Variants in NCOA7 observed in about 807,000 individuals in gnomAD.
NCOA7 encodes the protein 140 kDa estrogen receptor-associated protein.
A neutral mutation model predicts 104.3 loss-of-function variants in NCOA7; 45 were observed. That is an observed-to-expected ratio of 0.43 (90% confidence interval 0.34 to 0.55). The LOEUF (loss-of-function observed/expected upper bound fraction) is 0.55. Ranked by LOEUF, NCOA7 falls within the 20% of genes least tolerant of loss-of-function variation. NCOA7 has a pLI of 0.02. For missense variants in NCOA7, 1,041 were observed against 1,119.7 expected (o/e 0.93, Z 1.00); for synonymous variants, 398 against 402.3 (o/e 0.99, Z 0.13).
intron 10 of NCOA7, among the ~76,000 whole-genome samples, chr6:125,896,979 T>A (rs949691836): frequency 6.6e-6 from 1 of 152,246 alleles, no homozygotes; most frequent in African/African-American, 2.4e-5. Flanking sequence ...TCATTATGTA[T>A]AAGTTAAATT....
At chr6:125,815,269 G>T in intron 1 of NCOA7, 22 bp from the exon 2 acceptor site, 1 of 988,678 alleles carries the variant, frequency 1.0e-6, no homozygotes, top group Non-Finnish European at 1.5e-6. Flanking sequence ...GTTTACAGTT[G>T]CTTTGTTATC....
chr6:125,847,191 T>TA (rs1324853686), intron 2 of NCOA7, among the ~76,000 whole-genome samples: 1 of 152,222 alleles, frequency 6.6e-6, no homozygotes, highest in African/African-American at 2.4e-5. Flanking sequence ...ATATACTTGT[T>TA]ACATTTTAAA....
chr6:125,826,080 C>A (rs1028559198), intron 2 of NCOA7, among the ~76,000 whole-genome samples: 2 of 152,122 alleles, frequency 1.3e-5, no homozygotes, highest in African/African-American at 4.8e-5. Context: ...AATCCTAGCA[C>A]TTTGGGAGGC....
At chr6:125,832,969 G>A (rs549234638) in intron 2 of NCOA7, among the ~76,000 whole-genome samples, 66 of 152,232 alleles carry the variant, frequency 4.3e-4, no homozygotes, top group African/African-American at 1.6e-3. Context: ...CCACCAAATC[G>A]TTTCAGTTTC....
intron 1 of NCOA7, among the ~76,000 whole-genome samples, chr6:125,796,502 A>G (rs1400513817): frequency 6.6e-6 from 1 of 151,896 alleles, no homozygotes; most frequent in African/African-American, 2.4e-5. Flanking sequence ...CCTCCTGTAT[A>G]TTTGAACTCA....
intron 12 of NCOA7, among the ~76,000 whole-genome samples, chr6:125,922,275 C>G (rs1787654188): frequency 6.6e-6 from 1 of 152,186 alleles, no homozygotes; most frequent in Non-Finnish European, 1.5e-5. Context: ...CTGTGCAAAG[C>G]TGCAGCTCTC....
intron 10 of NCOA7, among the ~76,000 whole-genome samples, chr6:125,900,213 A>G (rs1029038437): frequency 1.3e-5 from 2 of 152,184 alleles, no homozygotes; most frequent in Non-Finnish European, 2.9e-5. Context: ...ATCTTTTTCA[A>G]AAAGGAAGCC....
chr6:125,893,364 C>CT (rs1002965163), intron 10 of NCOA7, among the ~76,000 whole-genome samples: 1 of 152,206 alleles, frequency 6.6e-6, no homozygotes, highest in Non-Finnish European at 1.5e-5. Flanking sequence ...ATTAAAACTC[C>CT]TTGTCACAGG....
chr6:125,925,065 G>A (rs1390372516), intron 13 of NCOA7, among the ~76,000 whole-genome samples: 1 of 152,176 alleles, frequency 6.6e-6, no homozygotes, highest in East Asian at 1.9e-4. Flanking sequence ...AGCTCACAGG[G>A]CAGAAGTTTT....
At chr6:125,894,133 A>G (rs1407853888) in intron 10 of NCOA7, among the ~76,000 whole-genome samples, 6 of 139,302 alleles carry the variant, frequency 4.3e-5, no homozygotes, top group Admixed American at 3.7e-4. Flanking sequence ...CCTTAACACT[A>G]TTGACATTTT....
chr6:125,852,460 C>G (rs753732965), intron 2 of NCOA7, among the ~76,000 whole-genome samples: 6 of 152,114 alleles, frequency 3.9e-5, no homozygotes, highest in Non-Finnish European at 7.4e-5. Flanking sequence ...TCCCAAAGTG[C>G]TGGGATTATA....
chr6:125,915,389 A>T lies in NCOA7; in HGVS notation c.2153A>T (p.Asp718Val). The T allele has an allele frequency of 1.9e-6, 3 of 1,613,968 alleles. No homozygotes were observed. The highest frequency in any genetic ancestry group is 2.5e-6 in the Non-Finnish European group (3 of 1,179,852). ...TGGTCTCCCGATGTCTATGGAAAAG[A>T]TGCCAAAGAGCAAGGCTTTGTGGTG... ...VQWSPDVYGK[D>V]AKEQGFVVVE... The change falls in exon 11 of 16, where the codon GAT becomes GTT. Residue 718 changes from aspartate to valine, a missense_variant. By Grantham distance (152) the Asp-to-Val change is radical. Around this residue, in one of 2 missense-constraint regions of NCOA7, gnomAD observed 914 missense variants for 942.7 expected, o/e 0.97. Coordinates refer to ENST00000392477, the MANE Select transcript of NCOA7 (RefSeq NM_181782.5).
intron 3 of NCOA7, among the ~76,000 whole-genome samples, chr6:125,860,828 ATAT>A (rs1366158832): frequency 1.3e-5 from 2 of 152,236 alleles, no homozygotes; most frequent in African/African-American, 4.8e-5. Flanking sequence ...AGATGGGCAC[ATAT>A]TATAAATAAG....
chr6:125,807,543 C>T (rs774928151), intron 1 of NCOA7, among the ~76,000 whole-genome samples: 11 of 152,158 alleles, frequency 7.2e-5, no homozygotes, highest in Non-Finnish European at 1.2e-4. Context: ...TAAACTGTAC[C>T]GCTCTCATTT....
intron 3 of NCOA7, among the ~76,000 whole-genome samples, chr6:125,872,714 C>T (rs968175486): frequency 1.3e-5 from 2 of 152,184 alleles, no homozygotes; most frequent in African/African-American, 4.8e-5. Context: ...GCTTATCTGC[C>T]AAGAACTACA....
intron 2 of NCOA7, among the ~76,000 whole-genome samples, chr6:125,853,960 T>G (rs576570776): frequency 2.6e-4 from 40 of 152,254 alleles, no homozygotes; most frequent in African/African-American, 9.6e-4. Context: ...AAATATCAAA[T>G]TTCAGTCCCT....
chr6:125,927,627 T>A (rs1341935740), intron 13 of NCOA7, 36 bp from the exon 14 acceptor site: 1 of 1,492,748 alleles, frequency 6.7e-7, no homozygotes, highest in Admixed American at 1.7e-5. Flanking sequence ...GGATTTAGGT[T>A]TGAATGTAGG....
intron 9 of NCOA7, 116 bp downstream of exon 9, chr6:125,890,097 G>C: frequency 1.3e-6 from 1 of 781,150 alleles, no homozygotes; most frequent in Non-Finnish European, 1.8e-6. Flanking sequence ...TCTCAATAGA[G>C]TGTATCTTTG....
chr6:125,887,320 A>T (rs1219090708), intron 8 of NCOA7, among the ~76,000 whole-genome samples: 1 of 152,200 alleles, frequency 6.6e-6, no homozygotes, highest in Non-Finnish European at 1.5e-5. Context: ...TTGAGTTCCA[A>T]TAGGGAGATT....
Sources: allele counts gnomAD v4.1 joint callset (sites outside exome capture counted in the v4.1 genomes callset), GRCh38; gene constraint gnomAD v4.1.1; regional missense constraint gnomAD v4.1.1; transcripts MANE v1.5; gene names NCBI Gene and HGNC (gene_info 2026-07-23, HGNC 2026-07-21).